Variants in EIPR1 observed in about 807,000 individuals in gnomAD.
EIPR1 encodes the protein EARP and GARP complex-interacting protein 1.
A neutral mutation model predicts 48.1 loss-of-function variants in EIPR1; 25 were observed. That is an observed-to-expected ratio of 0.52 (90% CI 0.38 to 0.73). The LOEUF (loss-of-function observed/expected upper bound fraction) is 0.73. Ranked by LOEUF, EIPR1 falls within the 30% of genes least tolerant of loss-of-function variation. The probability of loss-of-function intolerance (pLI) is 0.00; values close to 1 mark genes in which losing one functional copy is unlikely to be tolerated. For missense variants in EIPR1, 415 were observed against 506.2 expected (o/e 0.82, Z 1.73); for synonymous variants, 204 against 201.9 (o/e 1.01, Z -0.09).
intron 4 of EIPR1, among the ~76,000 whole-genome samples, chr2:3,231,848 T>C (rs1407281818): frequency 6.6e-6 from 1 of 152,256 alleles, no homozygotes; most frequent in Non-Finnish European, 1.5e-5. Flanking sequence ...GCTGGTCTCA[T>C]AAAATAAGTT....
chr2:3,265,167 C>T (rs915941212), intron 3 of EIPR1, among the ~76,000 whole-genome samples: 4 of 152,226 alleles, frequency 2.6e-5, no homozygotes, highest in African/African-American at 9.7e-5. Flanking sequence ...CCAGAAACCA[C>T]CCTGAGGAAG....
intron 1 of EIPR1, among the ~76,000 whole-genome samples, chr2:3,356,419 T>G (rs2103378529): frequency 6.6e-6 from 1 of 152,318 alleles, no homozygotes; most frequent in East Asian, 1.9e-4. Context: ...AAAACTAAGA[T>G]CTCAGGTGAT....
At chr2:3,372,868 T>A (rs1352014223) in intron 1 of EIPR1, among the ~76,000 whole-genome samples, 1 of 152,144 alleles carries the variant, frequency 6.6e-6, no homozygotes, top group Non-Finnish European at 1.5e-5. Flanking sequence ...GAATCCTCCC[T>A]AACTCATTTT....
chr2:3,209,106 A>T (rs773484692), intron 5 of EIPR1: 23 of 1,372,100 alleles, frequency 1.7e-5, no homozygotes, highest in Non-Finnish European at 2.1e-5. Flanking sequence ...CTCACTAAGC[A>T]CAACGAAAGC....
intron 3 of EIPR1, among the ~76,000 whole-genome samples, chr2:3,333,097 A>C (rs7599847): frequency 0.45 from 68,514 of 152,048 alleles, 16,594 homozygotes; most frequent in East Asian, 0.81. Context: ...CTCAACACTG[A>C]CATTCCTGAC....
chr2:3,364,638 C>CA (rs1012862872), intron 1 of EIPR1, among the ~76,000 whole-genome samples: 25 of 106,228 alleles, frequency 2.4e-4, no homozygotes, highest in South Asian at 5.7e-4. Flanking sequence ...CTCCCTGTCT[C>CA]AAAAAAAAAA....
intron 1 of EIPR1, among the ~76,000 whole-genome samples, chr2:3,364,103 C>T (rs1670916473): frequency 1.3e-5 from 2 of 152,044 alleles, no homozygotes; most frequent in African/African-American, 2.4e-5. Flanking sequence ...AAGAGTATGG[C>T]GTCTCCTCAA....
chr2:3,351,424 T>C (rs1424988268), intron 2 of EIPR1, among the ~76,000 whole-genome samples: 1 of 152,238 alleles, frequency 6.6e-6, no homozygotes, highest in Non-Finnish European at 1.5e-5. Flanking sequence ...TACTCATAAC[T>C]ATCATGCTTT....
rs77737308 is a variant in EIPR1 at position 3,309,154 on chromosome 2, C to A, written c.259+28863G>T. ...TGGCGAAAAAATTACACCACCACAT[C>A]TGATGGTCAATGTACAGAGAGAAAA... On this transcript the variant is annotated intron_variant, in intron 3 of 8. Transcript: ENST00000382125. 1.9e-3 allele frequency among the ~76,000 whole-genome samples: 294 copies of A among 152,312 alleles called. 5 individuals carry two copies. In the East Asian group the frequency reaches 0.05, roughly 26 times the overall value.
intron 2 of EIPR1, among the ~76,000 whole-genome samples, chr2:3,350,997 T>C (rs1457655639): frequency 2.1e-5 from 3 of 145,032 alleles, no homozygotes; most frequent in South Asian, 2.2e-4. Context: ...TTCTGTCATT[T>C]TGGGCGATTT....
At chr2:3,368,893 G>C (rs140254097) in intron 1 of EIPR1, among the ~76,000 whole-genome samples, 16 of 152,220 alleles carry the variant, frequency 1.1e-4, no homozygotes, top group South Asian at 4.1e-4. Flanking sequence ...ACGACCCTCC[G>C]TGTTGGTCTT....
chr2:3,345,303 G>T (rs566655707), intron 2 of EIPR1, among the ~76,000 whole-genome samples: 1 of 152,108 alleles, frequency 6.6e-6, no homozygotes, highest in South Asian at 2.1e-4. Context: ...AATTATTGGG[G>T]CATAATCAAT....
intron 4 of EIPR1, among the ~76,000 whole-genome samples, chr2:3,244,810 C>G (rs1223185006): frequency 6.6e-6 from 1 of 152,188 alleles, no homozygotes; most frequent in Admixed American, 6.5e-5. Flanking sequence ...TGGACTAAGG[C>G]GTTTTCTGAG....
intron 4 of EIPR1, among the ~76,000 whole-genome samples, chr2:3,246,745 G>C (rs1411021295): frequency 6.8e-6 from 1 of 146,298 alleles, no homozygotes; most frequent in African/African-American, 2.5e-5. Context: ...CCATGGGAGG[G>C]AGAGAGGAAG....
At chr2:3,324,543 C>T (rs1669633607) in intron 3 of EIPR1, among the ~76,000 whole-genome samples, 1 of 152,248 alleles carries the variant, frequency 6.6e-6, no homozygotes, top group African/African-American at 2.4e-5. Flanking sequence ...TCCCATGATG[C>T]TAACTCAGGC....
At chr2:3,369,252 G>A (rs1266558314) in intron 1 of EIPR1, among the ~76,000 whole-genome samples, 3 of 152,170 alleles carry the variant, frequency 2.0e-5, no homozygotes, top group Admixed American at 6.5e-5. Flanking sequence ...TTTCAGGGAG[G>A]AGCCAAGATG....
chr2:3,280,980 C>G (rs1372270542), intron 3 of EIPR1, among the ~76,000 whole-genome samples: 1 of 152,166 alleles, frequency 6.6e-6, no homozygotes, highest in Non-Finnish European at 1.5e-5. Context: ...GTGACTCATC[C>G]CTGTACCTGG....
chr2:3,368,244 A>G (rs895354805), intron 1 of EIPR1, among the ~76,000 whole-genome samples: 3 of 152,154 alleles, frequency 2.0e-5, no homozygotes, highest in Non-Finnish European at 4.4e-5. Context: ...AACCTCCCAG[A>G]ACAGAAAGGA....
At chr2:3,353,267 G>A (rs780907234) in intron 2 of EIPR1, 18 of 471,070 alleles carry the variant, frequency 3.8e-5, no homozygotes, top group Non-Finnish European at 7.5e-5. Context: ...AGCATCTGAA[G>A]ATAACCCTTG....
Sources: allele counts gnomAD v4.1 joint callset (sites outside exome capture counted in the v4.1 genomes callset), GRCh38; gene constraint gnomAD v4.1.1; transcripts MANE v1.5; gene names NCBI Gene and HGNC (gene_info 2026-07-23, HGNC 2026-07-21).